ABCB6: variants seen among roughly 807,000 people sequenced by gnomAD.
ABCB6 encodes the protein ATP binding cassette subfamily B member 6 (LAN blood group), also known as ATP-binding cassette sub-family B member 6.
ABCB6 carries 87 observed loss-of-function variants against 99.4 expected under a neutral mutation model. The observed-to-expected ratio is 0.88, with a 90% CI of 0.74 to 1.05. The LOEUF is 1.05. Ranked by LOEUF, ABCB6 falls within the 50% of genes least tolerant of loss-of-function variation. The pLI is 0.00. For missense variants in ABCB6, 1,050 were observed against 1,097.9 expected, an observed-to-expected ratio of 0.96 and a Z score of 0.62; for synonymous variants, 482 against 447.5, an observed-to-expected ratio of 1.08 and a Z score of -0.97.
intron 5 of ABCB6, 190 bp from the exon 6 acceptor site, chr2:219,215,272 A>C: frequency 1.6e-6 from 1 of 638,268 alleles, no homozygotes; most frequent in Non-Finnish European, 2.6e-6. Context: ...TATCAATTAC[A>C]ATGAATGAGG....
chr2:219,211,189 T>C, intron 14 of ABCB6, 81 bp from the exon 15 acceptor site: 6 of 1,498,846 alleles, frequency 4.0e-6, no homozygotes, highest in Non-Finnish European at 5.5e-6. Context: ...CGGAAGCACG[T>C]GGGATAAGAG....
intron 6 of ABCB6, 74 bp downstream of exon 6, chr2:219,214,887 G>A (rs1950620878): frequency 3.2e-6 from 5 of 1,586,222 alleles, no homozygotes; most frequent in African/African-American, 1.3e-5. Context: ...TGGGTCACTT[G>A]AGTGGGGGCA....
rs779974958 is a variant in ABCB6, at chr2:219,218,106, T to G, written c.549+19A>C. 6.3e-7 allele frequency: 1 copy of G among 1,582,458 alleles called. No homozygotes were observed. The highest frequency in any genetic ancestry group is 8.6e-7 in the Non-Finnish European group (1 of 1,164,506). On this transcript the variant is annotated intron_variant, in intron 1 of 18. Transcript: ENST00000265316. ...AGCCCGGCCAGCAGAGGCTTCCCCCTTCCCACAGAGTCCCTCACCTGCTGG... is the reference window on the plus strand; with the variant it reads ...AGCCCGGCCAGCAGAGGCTTCCCCCGTCCCACAGAGTCCCTCACCTGCTGG...
Position 219,216,472 on chromosome 2 carries a change from A to C in ABCB6, c.869-7T>G, listed in dbSNP as rs962992805. 1 of 1,613,520 alleles carries C rather than the reference A, an allele frequency of 6.2e-7. No individual in the cohort carries two copies. The highest frequency in any genetic ancestry group is 8.5e-7 in the Non-Finnish European group (1 of 1,179,682). ...TTCTCAGTCAGCAAGTTCACTGTGGAGGAAACGAGTCAGAACCCACTTATG... is the reference window on the plus strand; with the variant it reads ...TTCTCAGTCAGCAAGTTCACTGTGGCGGAAACGAGTCAGAACCCACTTATG... On this transcript the variant is annotated splice_polypyrimidine_tract_variant and splice_region_variant and intron_variant, in intron 3 of 18. Transcript: ENST00000265316. This position sits in a 1 kb window ranked among gnomAD's most constrained non-coding sequence, Gnocchi z 4.2.
chr2:219,212,308 CCT>C, intron 14 of ABCB6, 77 bp downstream of exon 14: 2 of 1,261,954 alleles, frequency 1.6e-6, no homozygotes, highest in Non-Finnish European at 2.3e-6. Context: ...GGTGACATCT[CCT>C]CTCTCTGGAC....
chr2:219,217,245 G>A (rs1379053700), intron 2 of ABCB6, among the ~76,000 whole-genome samples: 1 of 152,196 alleles, frequency 6.6e-6, no homozygotes, highest in Non-Finnish European at 1.5e-5. Flanking sequence ...CAGCTACTTG[G>A]GAGGCTGAGG....
At position 219,210,383 on chromosome 2, in the gene ABCB6, G is replaced by A; in HGVS notation, c.2349C>T (p.His783=). 2 of 1,614,224 alleles carry A rather than the reference G, an allele frequency of 1.2e-6. No homozygotes were observed. The highest frequency in any genetic ancestry group is 1.1e-5 in the South Asian group (1 of 91,090). The stretch of plus-strand genomic sequence containing the variant: ...GCCCCAGGCCTGTAGTCCTGTACCT[G>A]TGTGCCACTACGATGGTGGTGCGGT... ...CANRTTIVVA[H]RLSTVVNADQ... The change falls in exon 17 of 19, where the codon CAC becomes CAT. Residue 783 remains histidine (H), a splice_region_variant and synonymous_variant. Transcript: ENST00000265316.
rs1950648202 is a variant in ABCB6 at position 219,216,817 on chromosome 2, G to A, written c.703C>T (p.Gln235Ter). The change falls in exon 3 of 19, where the codon CAA (glutamine) becomes TAA (stop). Residue 235 changes from glutamine to a stop codon, truncating the protein, a stop_gained. Coordinates refer to ENST00000265316, the MANE Select transcript of ABCB6 (RefSeq NM_005689.4). LOFTEE classifies it high-confidence loss of function. This position sits in a 1 kb window ranked among gnomAD's most constrained non-coding sequence, Gnocchi z 4.2. The part of the protein sequence containing the change: ...VERSQVRSAA[Q>*]QSTWRDFGRK... ...CCAAAATCTCGCCAGGTAGACTGTT[G>A]GGCTGCTGACCGAACCTAGGATGGT... 1.2e-6 allele frequency: 2 copies of A among 1,612,490 alleles called. No individual in the cohort carries two copies. The highest frequency in any genetic ancestry group is 1.7e-5 in the Admixed American group (1 of 59,918).
At chr2:219,214,814 C>T (rs573438661) in intron 6 of ABCB6, 147 bp downstream of exon 6, 161 of 887,858 alleles carry the variant, frequency 1.8e-4, no homozygotes, top group African/African-American at 1.3e-3. Context: ...AGAAGAGACC[C>T]GCCCATCACA....
Position 219,212,441 on chromosome 2 carries a change from G to C in ABCB6, c.1914C>G (p.Arg638=). ...GKSTILRLLF[R]FYDISSGCIR... is the part of the protein sequence containing the mutation. Reference sequence around the variant, plus strand: ...TGCAGCCAGAGCTGATGTCGTAGAAGCGAAACAGCAGGCGCAAAATTGTGC... The same window carrying C: ...TGCAGCCAGAGCTGATGTCGTAGAACCGAAACAGCAGGCGCAAAATTGTGC... Residue 638 remains arginine, a synonymous_variant, in exon 14 of 19, where the codon CGC becomes CGG. Coordinates refer to ENST00000265316, the MANE Select transcript of ABCB6 (RefSeq NM_005689.4). The C allele has an allele frequency of 3.1e-6, 5 of 1,614,168 alleles. No individual in the cohort carries two copies. Among genetic ancestry groups the C allele is most frequent in the Non-Finnish European group, 4.2e-6 (5 of 1,180,024 alleles).
intron 1 of ABCB6, 92 bp from the exon 2 acceptor site, chr2:219,217,899 C>T: frequency 1.6e-6 from 2 of 1,282,342 alleles, no homozygotes; most frequent in Non-Finnish European, 2.1e-6. Context: ...GTGTCATGAA[C>T]ACATTCAGCA....
In ABCB6 at chr2:219,213,965, C is replaced by T. The variant is rs1292634564; in HGVS notation, c.1453-14G>A. On this transcript the variant is annotated splice_polypyrimidine_tract_variant and intron_variant, in intron 8 of 18. Coordinates refer to ENST00000265316, the MANE Select transcript of ABCB6 (RefSeq NM_005689.4). ...CCACTCCAAACCCTGAGGGCAATAA[C>T]ACAGGAAGAGGAATGTCCTATACAC... 6.2e-7 allele frequency: 1 copy of T among 1,613,980 alleles called. No homozygotes were observed. The highest frequency in any genetic ancestry group is 1.7e-5 in the Admixed American group (1 of 60,014).
In ABCB6 at chr2:219,216,445, C is replaced by A. The variant is rs897121167; in HGVS notation, c.889G>T (p.Ala297Ser). 3.1e-5 allele frequency: 50 copies of A among 1,613,910 alleles called. No homozygotes were observed. The highest frequency in any genetic ancestry group is 4.2e-5 in the Non-Finnish European group (49 of 1,179,980). Reference protein sequence around the residue: ...RNIVNLLTEKAPWNSLAWTVT... With the variant: ...RNIVNLLTEKSPWNSLAWTVT... ...GTCCAGGCCAGAGAGTTCCAAGGTG[C>A]CTTCTCAGTCAGCAAGTTCACTGTG... is the stretch of plus-strand genomic sequence containing the variant. The change falls in exon 4 of 19, where the codon GCA (alanine) becomes TCA (serine). Residue 297 changes from alanine (A) to serine (S), a missense_variant. Ala to Ser is a moderately conservative substitution (Grantham distance 99). Transcript: ENST00000265316. The surrounding 1 kb of genome is among the most constrained non-coding windows in gnomAD (Gnocchi z 4.2).
At position 219,213,629 on chromosome 2, in the gene ABCB6, T is replaced by C; in HGVS notation, c.1616A>G (p.Gln539Arg). ...AAACCAATTGAGGGGCATGTACAGC[T>C]GGATAATGTAGGTGCCAAAGAGCAC... is the stretch of plus-strand genomic sequence containing the variant. ...DYVLFGTYII[Q>R]LYMPLNWFGT... Residue 539 changes from glutamine to arginine, a missense_variant, in exon 10 of 19, where the codon CAG becomes CGG. Coordinates refer to ENST00000265316, the MANE Select transcript of ABCB6 (RefSeq NM_005689.4). The C allele has an allele frequency of 1.2e-6, 2 of 1,614,182 alleles. No homozygotes were observed. Among genetic ancestry groups the C allele is most frequent in the Non-Finnish European group, 1.7e-6 (2 of 1,180,030 alleles).
At chr2:219,210,653 G>A in intron 16 of ABCB6, 58 bp downstream of exon 16, 3 of 1,609,868 alleles carry the variant, frequency 1.9e-6, no homozygotes, top group Non-Finnish European at 2.5e-6. Context: ...ACAGTGCCCA[G>A]GAGGAACGGC....
At position 219,210,125 on chromosome 2, in the gene ABCB6, G is replaced by A. The variant is rs79441174; in HGVS notation, c.2421-79C>T. 8,830 of 1,592,436 alleles carry A rather than the reference G, an allele frequency of 5.5e-3. 443 individuals are homozygous for A. In the African/African-American group the frequency reaches 0.1, roughly 19 times the overall value. ...CTTGCCACCAGCCCACAGAGAGGAC[G>A]GGATGGGAAGGGAGGTCCCCTCCAG... On this transcript the variant is annotated intron_variant, in intron 18 of 18. Transcript: ENST00000265316.
chr2:219,210,199 G>A (rs1950558171), intron 18 of ABCB6, 31 bp downstream of exon 18: 1 of 1,613,532 alleles, frequency 6.2e-7, no homozygotes, highest in African/African-American at 1.3e-5. Context: ...CAATTCAGAA[G>A]ACCTGTCCTT....
Position 219,213,013 on chromosome 2 carries a change from C to G in ABCB6, c.1858G>C (p.Ala620Pro), listed in dbSNP as rs867654978. ...SFTVMPGQTL[A>P]LVGPSGAGKS... ...GTGGCTGGGTCTCCTCTCACCAGGGCAAGTGTCTGTCCAGGCATCACAGTG... is the reference window on the plus strand; with the variant it reads ...GTGGCTGGGTCTCCTCTCACCAGGGGAAGTGTCTGTCCAGGCATCACAGTG... Residue 620 changes from alanine to proline, a missense_variant, in exon 13 of 19, where the codon GCC becomes CCC. Physicochemically the swap from Ala to Pro is conservative, Grantham distance 27 (BLOSUM62 -1). Transcript: ENST00000265316. 7 of 1,613,846 alleles carry G rather than the reference C, an allele frequency of 4.3e-6. No homozygotes were observed. The Middle Eastern group carries it at 8.2e-4, about 189-fold the overall frequency.
chr2:219,213,935 G>A lies in ABCB6; in HGVS notation c.1469C>T (p.Ser490Leu), dbSNP rs772193917. 3.5e-5 allele frequency: 57 copies of A among 1,613,866 alleles called. No individual in the cohort carries two copies. Among genetic ancestry groups the A allele is most frequent in the Non-Finnish European group, 4.2e-5 (50 of 1,180,028 alleles). ...IIKYQGLEWK[S>L]SASLVLLNQT... ...ATTTAGTAAAACCAGTGAAGCGCTC[G>A]ACTTCCACTCCAAACCCTGAGGGCA... Residue 490 changes from serine to leucine, a missense_variant, in exon 9 of 19, where the codon TCG (serine) becomes TTG (leucine). Ser to Leu is a moderately radical substitution (Grantham distance 145, BLOSUM62 -2). Transcript: ENST00000265316.
Sources: gnomAD v4.1 joint callset for allele counts (sites outside exome capture counted in the v4.1 genomes callset) on GRCh38, gnomAD v4.1.1 for gene constraint, Gnocchi (gnomAD v3.1) non-coding constraint, MANE v1.5 for transcripts, NCBI Gene and HGNC (gene_info 2026-07-23, HGNC 2026-07-21) for gene names.